Variants in ZNF438 observed in about 807,000 individuals in gnomAD.
ZNF438 encodes zinc finger protein 438.
A neutral mutation model predicts 38.0 loss-of-function variants in ZNF438; 25 were observed. The ratio of observed to expected loss-of-function variants is 0.66; its 90% CI spans 0.48 to 0.92. The LOEUF is 0.92. Ranked by LOEUF, ZNF438 falls within the 40% of genes least tolerant of loss-of-function variation. The pLI is 0.00. For synonymous variants in ZNF438, 372 were observed against 364.1 expected, an observed-to-expected ratio of 1.02 and a Z score of -0.25; for missense variants, 1,007 against 999.6, an observed-to-expected ratio of 1.01 and a Z score of -0.10.
At chr10:30,931,686 T>C (rs140025930) in intron 2 of ZNF438, among the ~76,000 whole-genome samples, 1 of 152,206 alleles carries the variant, frequency 6.6e-6, no homozygotes, top group Non-Finnish European at 1.5e-5. Context: ...AAAAACCCAA[T>C]AGCCACTAAC....
At chr10:31,026,244 C>G (rs888276865) in intron 1 of ZNF438, among the ~76,000 whole-genome samples, 1 of 152,160 alleles carries the variant, frequency 6.6e-6, no homozygotes, top group Non-Finnish European at 1.5e-5. Flanking sequence ...CAAATGGGAT[C>G]TAATTAAACT....
chr10:30,890,275 C>T (rs749657264), intron 3 of ZNF438, among the ~76,000 whole-genome samples: 29 of 152,164 alleles, frequency 1.9e-4, no homozygotes, highest in Non-Finnish European at 4.0e-4. Context: ...TTTAAGAGGG[C>T]ATTTTTCTGC....
At chr10:30,988,898 A>G (rs2053150781) in intron 1 of ZNF438, among the ~76,000 whole-genome samples, 1 of 152,176 alleles carries the variant, frequency 6.6e-6, no homozygotes, top group Non-Finnish European at 1.5e-5. Flanking sequence ...ACACTAATCT[A>G]GATGTTGTGT....
intron 1 of ZNF438, among the ~76,000 whole-genome samples, chr10:31,003,462 C>T (rs954566630): frequency 1.2e-4 from 18 of 152,112 alleles, no homozygotes; most frequent in Admixed American, 3.3e-4. Flanking sequence ...GAAGTTCTGG[C>T]TTGGAGGAAC....
At chr10:30,898,013 C>T (rs1015072738) in intron 3 of ZNF438, among the ~76,000 whole-genome samples, 5 of 152,128 alleles carry the variant, frequency 3.3e-5, no homozygotes, top group Admixed American at 2.6e-4. Flanking sequence ...TATAATATTA[C>T]AAAATCAATT....
chr10:30,975,332 G>C (rs1260138095), intron 1 of ZNF438, among the ~76,000 whole-genome samples: 4 of 152,134 alleles, frequency 2.6e-5, no homozygotes, highest in Non-Finnish European at 5.9e-5. Flanking sequence ...AGATGACTAG[G>C]CACATTCAAG....
At position 31,002,739 on chromosome 10, in the gene ZNF438, C is replaced by T. The variant is rs188977180; in HGVS notation, c.-192+29094G>A. On this transcript the variant is annotated intron_variant, in intron 1 of 5. Coordinates refer to ENST00000413025, the Ensembl canonical transcript of ZNF438. ...TTTTAATTCAGGTTCCCTTATATAA[C>T]AATACGGAGAAGAGAGCAGCTAGAG... Among the ~76,000 whole-genome samples the T allele has an allele frequency of 3.5e-3, 526 of 152,264 alleles. 4 individuals carry two copies. The highest frequency in any genetic ancestry group is 0.011 in the African/African-American group (469 of 41,524).
At chr10:30,853,896 G>A (rs1031668105) in intron 4 of ZNF438, among the ~76,000 whole-genome samples, 1 of 152,232 alleles carries the variant, frequency 6.6e-6, no homozygotes. Context: ...TTGGGAGGCT[G>A]AGGCAGGGGA....
intron 2 of ZNF438, among the ~76,000 whole-genome samples, chr10:30,928,411 G>A (rs2045217946): frequency 2.0e-5 from 3 of 151,800 alleles, no homozygotes; most frequent in South Asian, 2.1e-4. Flanking sequence ...CTTCACTGAC[G>A]AAAGGGAAGA....
At chr10:31,021,130 T>TACA (rs2056565492) in intron 1 of ZNF438, among the ~76,000 whole-genome samples, 1 of 150,952 alleles carries the variant, frequency 6.6e-6, no homozygotes, top group Non-Finnish European at 1.5e-5. Context: ...AATCTCAGCT[T>TACA]ACAACAGCAT....
chr10:30,970,590 A>C (rs1000740300), intron 1 of ZNF438, among the ~76,000 whole-genome samples: 1 of 152,148 alleles, frequency 6.6e-6, no homozygotes, highest in Non-Finnish European at 1.5e-5. Context: ...AAATATCCTC[A>C]TCCAAACTCC....
At chr10:30,940,976 C>T (rs2046761114) in intron 2 of ZNF438, among the ~76,000 whole-genome samples, 1 of 152,074 alleles carries the variant, frequency 6.6e-6, no homozygotes, top group Admixed American at 6.5e-5. Context: ...TAGGACTTAA[C>T]GACTAGACTT....
At chr10:30,978,091 C>T (rs112350000) in intron 1 of ZNF438, among the ~76,000 whole-genome samples, 80 of 152,188 alleles carry the variant, frequency 5.3e-4, no homozygotes, top group African/African-American at 1.8e-3. Flanking sequence ...GTTAAGAACA[C>T]GAAAGCAGAA....
In ZNF438 at chr10:31,026,763, A is replaced by G. The variant is rs573663660; in HGVS notation, c.-192+5070T>C. Among the ~76,000 whole-genome samples the G allele has an allele frequency of 1.4e-4, 21 of 152,212 alleles. No homozygotes were observed. The South Asian group carries it at 3.3e-3, about 24-fold the overall frequency. On this transcript the variant is annotated intron_variant, in intron 1 of 5. Transcript: ENST00000413025. Reference sequence around the variant, plus strand: ...TGGGTATATACCCAAAGGACTATAAATCATGCTGCCATAAAGAGACATGCA... The same window carrying G: ...TGGGTATATACCCAAAGGACTATAAGTCATGCTGCCATAAAGAGACATGCA...
chr10:30,946,852 C>G (rs972762925), intron 1 of ZNF438, among the ~76,000 whole-genome samples: 4 of 152,108 alleles, frequency 2.6e-5, no homozygotes, highest in Non-Finnish European at 5.9e-5. Flanking sequence ...CATTTTATCT[C>G]CACTACTGGC....
chr10:30,881,241 G>A (rs553455743), intron 3 of ZNF438, among the ~76,000 whole-genome samples: 1 of 152,112 alleles, frequency 6.6e-6, no homozygotes, highest in African/African-American at 2.4e-5. Flanking sequence ...AAATTCAATA[G>A]AATCTACAAA....
chr10:30,941,128 G>A (rs1264596478), intron 2 of ZNF438, among the ~76,000 whole-genome samples: 5 of 152,042 alleles, frequency 3.3e-5, no homozygotes, highest in Admixed American at 3.3e-4. Context: ...CTGGACTGCA[G>A]TAGCGTGATC....
At chr10:30,867,779 T>C (rs1019710127) in intron 4 of ZNF438, among the ~76,000 whole-genome samples, 4 of 152,174 alleles carry the variant, frequency 2.6e-5, no homozygotes, top group African/African-American at 9.7e-5. Context: ...ACATGGCAGA[T>C]CAATAGGAGA....
intron 2 of ZNF438, among the ~76,000 whole-genome samples, chr10:30,934,539 T>A (rs2046032146): frequency 6.6e-6 from 1 of 152,254 alleles, no homozygotes; most frequent in Non-Finnish European, 1.5e-5. Flanking sequence ...CATAACTGTC[T>A]TGCAGTACTC....
Sources: gnomAD v4.1 joint callset for allele counts (sites outside exome capture counted in the v4.1 genomes callset) on GRCh38, gnomAD v4.1.1 for gene constraint, MANE v1.5 for transcripts, NCBI Gene and HGNC (gene_info 2026-07-23, HGNC 2026-07-21) for gene names.